LDLRAD4: variants seen among roughly 807,000 people sequenced by gnomAD.
LDLRAD4 encodes the protein low density lipoprotein receptor class A domain containing 4, also known as low-density lipoprotein receptor class A domain-containing protein 4.
A neutral mutation model predicts 17.0 loss-of-function variants in LDLRAD4; 5 were observed. The observed-to-expected ratio is 0.29, with a 90% confidence interval of 0.15 to 0.62. The LOEUF (loss-of-function observed/expected upper bound fraction) is 0.62, where lower values mean the gene tolerates loss of function less well. Ranked by LOEUF, LDLRAD4 falls within the 20% of genes least tolerant of loss-of-function variation. The pLI, the probability that LDLRAD4 is intolerant of heterozygous loss-of-function variation, is 0.84. For synonymous variants in LDLRAD4, 168 were observed against 171.8 expected (o/e 0.98, Z 0.17); for missense variants, 340 against 424.7 (o/e 0.80, Z 1.75).
At chr18:13,376,552 TATAC>T (rs1353049851) in intron 1 of LDLRAD4, among the ~76,000 whole-genome samples, 2 of 152,122 alleles carry the variant, frequency 1.3e-5, no homozygotes, top group Non-Finnish European at 2.9e-5. Context: ...CAGCATCAGG[TATAC>T]ACAGGGGCTT....
intron 3 of LDLRAD4, among the ~76,000 whole-genome samples, chr18:13,529,531 T>C (rs1166456831): frequency 6.6e-6 from 1 of 152,184 alleles, no homozygotes; most frequent in Non-Finnish European, 1.5e-5. Context: ...GCCACAGAGC[T>C]CACAGAACTA....
chr18:13,282,018 C>G (rs537092648), intron 1 of LDLRAD4, among the ~76,000 whole-genome samples: 2 of 152,260 alleles, frequency 1.3e-5, no homozygotes, highest in African/African-American at 4.8e-5. Flanking sequence ...ATGGCGGCAG[C>G]AAGAGAGAAT....
chr18:13,248,908 A>G (rs1477428417), intron 1 of LDLRAD4, among the ~76,000 whole-genome samples: 3 of 152,274 alleles, frequency 2.0e-5, no homozygotes, highest in South Asian at 4.1e-4. Flanking sequence ...CCCTTTCCCT[A>G]CAACCCTTCC....
upstream of LDLRAD4, among the ~76,000 whole-genome samples, chr18:13,274,398 A>G (rs183395535): frequency 3.4e-4 from 52 of 152,316 alleles, no homozygotes; most frequent in African/African-American, 1.2e-3. Context: ...GCTAAGCAGC[A>G]GGTCAGTGTC....
intron 3 of LDLRAD4, among the ~76,000 whole-genome samples, chr18:13,545,755 T>G (rs1219985652): frequency 6.6e-6 from 1 of 152,148 alleles, no homozygotes; most frequent in Admixed American, 6.5e-5. Flanking sequence ...CCAAGCATAC[T>G]CAGTGCCTGC....
chr18:13,324,875 C>T (rs1393866656), intron 1 of LDLRAD4, among the ~76,000 whole-genome samples: 1 of 152,150 alleles, frequency 6.6e-6, no homozygotes, highest in African/African-American at 2.4e-5. Flanking sequence ...TGAGTGGTCG[C>T]ATTCTTGTGA....
intron 4 of LDLRAD4, chr18:13,642,060 C>A: frequency 1.0e-6 from 1 of 985,548 alleles, no homozygotes; most frequent in Non-Finnish European, 1.2e-6. Flanking sequence ...GCCTGCCAGG[C>A]CGGGCCCTTC....
chr18:13,432,081 C>T (rs1157657561), intron 2 of LDLRAD4, among the ~76,000 whole-genome samples: 2 of 152,170 alleles, frequency 1.3e-5, no homozygotes, highest in African/African-American at 4.8e-5. Flanking sequence ...GTTGATAACA[C>T]GCCGGTGCAG....
At chr18:13,589,681 G>A (rs2094984169) in intron 3 of LDLRAD4, among the ~76,000 whole-genome samples, 1 of 152,204 alleles carries the variant, frequency 6.6e-6, no homozygotes, top group South Asian at 2.1e-4. Flanking sequence ...GCATGGCCCA[G>A]TTTGCTTGGT....
intron 3 of LDLRAD4, among the ~76,000 whole-genome samples, chr18:13,586,879 G>A (rs1312423403): frequency 2.0e-5 from 3 of 148,818 alleles, no homozygotes; most frequent in African/African-American, 4.9e-5. Flanking sequence ...AAAAAAAAAA[G>A]GAAAAAAAAA....
intron 4 of LDLRAD4, among the ~76,000 whole-genome samples, chr18:13,638,846 G>A (rs540599455): frequency 1.3e-5 from 2 of 152,280 alleles, no homozygotes; most frequent in South Asian, 4.2e-4. Context: ...CAGCCCTTGG[G>A]GACATGCAGC....
chr18:13,335,649 A>G (rs984421425), intron 1 of LDLRAD4, among the ~76,000 whole-genome samples: 6 of 152,222 alleles, frequency 3.9e-5, no homozygotes, highest in Non-Finnish European at 7.3e-5. Flanking sequence ...TCATTGGGTC[A>G]GGAATTCCGG....
chr18:13,494,752 AAGG>A (rs2093431587), intron 3 of LDLRAD4, among the ~76,000 whole-genome samples: 12 of 144,718 alleles, frequency 8.3e-5, no homozygotes, highest in African/African-American at 3.0e-4. Flanking sequence ...AGTGGGAATT[AAGG>A]AAGTTTGGGT....
At chr18:13,274,303 C>T (rs1026544555), upstream of LDLRAD4, among the ~76,000 whole-genome samples, 1 of 152,190 alleles carries the variant, frequency 6.6e-6, no homozygotes, top group Non-Finnish European at 1.5e-5. Context: ...GTGCTGTAAC[C>T]TGGAGCCGTT....
chr18:13,443,841 C>T (rs544433510), intron 3 of LDLRAD4, among the ~76,000 whole-genome samples: 2 of 152,272 alleles, frequency 1.3e-5, no homozygotes, highest in Non-Finnish European at 2.9e-5. Context: ...GCTTCTCTGT[C>T]CCACACCATT....
chr18:13,500,681 A>G (rs1224145908), intron 3 of LDLRAD4: 1 of 152,188 alleles, frequency 6.6e-6, no homozygotes. Context: ...GTTGAGTAAC[A>G]ATGGAGAAAA....
intron 1 of LDLRAD4, among the ~76,000 whole-genome samples, chr18:13,283,088 C>T (rs941614599): frequency 3.9e-5 from 6 of 152,164 alleles, no homozygotes; most frequent in Admixed American, 1.3e-4. Flanking sequence ...GCATACAGCA[C>T]GGGGACCCTG....
chr18:13,240,784 T>C (rs1237692785), intron 1 of LDLRAD4: 1 of 152,266 alleles, frequency 6.6e-6, no homozygotes, highest in African/African-American at 2.4e-5. Context: ...TAGCACATAG[T>C]AGGTCTTCAG....
At chr18:13,586,274 G>A (rs1003140427) in intron 3 of LDLRAD4, among the ~76,000 whole-genome samples, 2 of 147,884 alleles carry the variant, frequency 1.4e-5, no homozygotes, top group African/African-American at 2.6e-5. Flanking sequence ...CGGGCGTGGT[G>A]GCAGGCGTCT....
Sources: allele counts gnomAD v4.1 joint callset (sites outside exome capture counted in the v4.1 genomes callset), GRCh38; gene constraint gnomAD v4.1.1; transcripts MANE v1.5; gene names NCBI Gene and HGNC (gene_info 2026-07-23, HGNC 2026-07-21).